Variants in CEP350 observed in about 807,000 individuals in gnomAD.
CEP350 encodes centrosomal protein 350.
CEP350 carries 126 observed loss-of-function variants against 331.8 expected under a neutral mutation model. The observed-to-expected ratio is 0.38, with a 90% CI of 0.33 to 0.44. The LOEUF is 0.44. Among genes scored for constraint, CEP350 ranks in the 20% least tolerant of loss-of-function variants. CEP350 has a pLI of 1.00. For synonymous variants in CEP350, 1,200 were observed against 1,259.5 expected (o/e 0.95, Z 1.00); for missense variants, 3,406 against 3,634.6 (o/e 0.94, Z 1.62).
intron 31 of CEP350, among the ~76,000 whole-genome samples, chr1:180,084,813 A>G (rs887672759): frequency 3.3e-5 from 5 of 152,146 alleles, no homozygotes; most frequent in Non-Finnish European, 7.3e-5. Flanking sequence ...GTAGTGCACC[A>G]TGATTGCACC....
chr1:179,981,577 C>T (rs2148648405), intron 1 of CEP350, among the ~76,000 whole-genome samples: 1 of 152,232 alleles, frequency 6.6e-6, no homozygotes, highest in South Asian at 2.1e-4. Flanking sequence ...TCTTAAAGAA[C>T]AGACCAACTT....
rs1661563069 is a variant in CEP350 at position 180,113,892 on chromosome 1, T to G, written c.*2731T>G. On this transcript the variant is annotated 3_prime_UTR_variant, in exon 38 of 38. Coordinates refer to ENST00000367607, the MANE Select transcript of CEP350 (RefSeq NM_014810.5). ...TTAGCAGTAAACCAACATACAGGCT[T>G]CAGATTTACTTCTGAGTCCAAAACA... is the stretch of plus-strand genomic sequence containing the variant. 6.6e-6 allele frequency: 1 copy of G among 152,626 alleles called. No homozygotes were observed. Among genetic ancestry groups the G allele is most frequent in the Admixed American group, 6.5e-5 (1 of 15,276 alleles). The allele number at this position is 152,626 out of a possible 1,614,324, so 9.5% of individuals were successfully genotyped here. A position where few individuals can be genotyped will look rare whatever the true frequency, so the allele number is the denominator to read the frequency against.
Position 180,026,675 on chromosome 1 carries a change from A to AATTT in CEP350, c.3550+2094_3550+2097dup, listed in dbSNP as rs548408145. Among the ~76,000 whole-genome samples, 249 of 152,258 alleles carry AATTT rather than the reference A, an allele frequency of 1.6e-3. 1 individual carries two copies. Among genetic ancestry groups the AATTT allele is most frequent in the African/African-American group, 5.6e-3 (233 of 41,534 alleles). ...CACTGTTCTGTTTTCTGTCCCTATC[A>AATTT]ATTTGACTACTCTGCGTACTTCATA... On this transcript the variant is annotated intron_variant, in intron 14 of 37. Transcript: ENST00000367607.
At chr1:179,995,529 C>T (rs571225737) in intron 5 of CEP350, among the ~76,000 whole-genome samples, 6 of 152,206 alleles carry the variant, frequency 3.9e-5, no homozygotes, top group African/African-American at 9.6e-5. Flanking sequence ...CGCTTGAACC[C>T]GGGAGGCAGA....
chr1:179,963,824 C>G (rs1650806670), intron 1 of CEP350, among the ~76,000 whole-genome samples: 1 of 151,842 alleles, frequency 6.6e-6, no homozygotes, highest in Non-Finnish European at 1.5e-5. Flanking sequence ...TTTTTTGGTT[C>G]CATATGAATT....
At chr1:179,994,578 C>T (rs903445075) in intron 5 of CEP350, among the ~76,000 whole-genome samples, 8 of 151,674 alleles carry the variant, frequency 5.3e-5, no homozygotes, top group African/African-American at 9.7e-5. Context: ...CTCAGCTTCC[C>T]GAGTAGCTGG....
chr1:180,041,899 C>G (rs1171207296), intron 19 of CEP350, 97 bp downstream of exon 19: 1 of 1,157,754 alleles, frequency 8.6e-7, no homozygotes, highest in African/African-American at 1.6e-5. Flanking sequence ...TTAGTAAATG[C>G]ATACTTTGAA....
Position 180,060,362 on chromosome 1 carries a change from A to G in CEP350, c.5263-1858A>G, listed in dbSNP as rs116142709. Among the ~76,000 whole-genome samples the G allele has an allele frequency of 6.0e-3, 915 of 152,316 alleles. 10 individuals carry two copies. The highest frequency in any genetic ancestry group is 0.021 in the African/African-American group (891 of 41,566). Reference sequence around the variant, plus strand: ...TAAAGAACAACCTTAAAATCTCACCATATGGGGTGGGCACAGTGGCTCATG... The same window carrying G: ...TAAAGAACAACCTTAAAATCTCACCGTATGGGGTGGGCACAGTGGCTCATG... On this transcript the variant is annotated intron_variant, in intron 25 of 37. Transcript: ENST00000367607.
At position 180,022,592 on chromosome 1, in the gene CEP350, C is replaced by G. The variant is rs1048371891; in HGVS notation, c.3236-106C>G. On this transcript the variant is annotated intron_variant, in intron 12 of 37. Coordinates refer to ENST00000367607, the MANE Select transcript of CEP350 (RefSeq NM_014810.5). ...AGAAAAGAGGCACTATTAAAGGAAACTAAAATGTCCCTAAGCCCATATTGC... is the reference window on the plus strand; with the variant it reads ...AGAAAAGAGGCACTATTAAAGGAAAGTAAAATGTCCCTAAGCCCATATTGC... The G allele has an allele frequency of 5.6e-6, 5 of 897,144 alleles. No individual in the cohort carries two copies. The Admixed American group carries it at 1.4e-4, about 26-fold the overall frequency. The allele number at this position is 897,144 out of a possible 1,614,324, so 55.6% of individuals were successfully genotyped here. A position where few individuals can be genotyped will look rare whatever the true frequency, so the allele number is the denominator to read the frequency against.
chr1:180,033,620 C>CT (rs2148888208), intron 15 of CEP350, among the ~76,000 whole-genome samples: 1 of 152,256 alleles, frequency 6.6e-6, no homozygotes, highest in South Asian at 2.1e-4. Context: ...AAGCTACTCC[C>CT]TTTCCATTGT....
At position 180,024,433 on chromosome 1, in the gene CEP350, C is replaced by T. The variant is rs1655535433; in HGVS notation, c.3401C>T (p.Pro1134Leu). Residue 1134 changes from proline (P) to leucine (L), a missense_variant, in exon 14 of 38, where the codon CCT becomes CTT. Physicochemically the swap from Pro to Leu is moderately conservative, Grantham distance 98 (BLOSUM62 -3). Coordinates refer to ENST00000367607, the MANE Select transcript of CEP350 (RefSeq NM_014810.5). Reference protein sequence around the residue: ...STLEPHSTLSPQEDHSNRKSA... With the variant: ...STLEPHSTLSLQEDHSNRKSA... ...TTCTTTGACAGTAGCACTTTAAGCCCTCAGGAGGACCATTCTAACAGAAAG... is the reference window on the plus strand; with the variant it reads ...TTCTTTGACAGTAGCACTTTAAGCCTTCAGGAGGACCATTCTAACAGAAAG... The T allele has an allele frequency of 7.4e-6, 12 of 1,611,300 alleles. No individual in the cohort carries two copies. Among genetic ancestry groups the T allele is most frequent in the Non-Finnish European group, 9.3e-6 (11 of 1,178,694 alleles).
rs2149135854 is a variant in CEP350, at chr1:180,094,293, C to T, written c.8188C>T (p.Leu2730=). The change falls in exon 34 of 38, where the codon CTG becomes TTG. Residue 2730 remains leucine (L), a synonymous_variant. Coordinates refer to ENST00000367607, the MANE Select transcript of CEP350 (RefSeq NM_014810.5). The part of the protein sequence containing the change: ...LDLLTREKNQ[L]EAQLKSSLNE... ...TCTTTTAACAAGAGAAAAAAACCAACTGGAAGCCCAGCTGAAGTCATCACT... is the reference window on the plus strand; with the variant it reads ...TCTTTTAACAAGAGAAAAAAACCAATTGGAAGCCCAGCTGAAGTCATCACT... 6.2e-7 allele frequency: 1 copy of T among 1,613,774 alleles called. No individual in the cohort carries two copies. The highest frequency in any genetic ancestry group is 2.2e-5 in the East Asian group (1 of 44,866).
intron 12 of CEP350, 52 bp from the exon 13 acceptor site, chr1:180,022,646 A>G (rs1655402901): frequency 1.3e-6 from 2 of 1,533,308 alleles, no homozygotes; most frequent in Admixed American, 1.9e-5. Flanking sequence ...TGCTTTTCTT[A>G]CAGTTTCTTG....
At chr1:180,076,157 T>C (rs971279744) in intron 28 of CEP350, among the ~76,000 whole-genome samples, 15 of 151,998 alleles carry the variant, frequency 9.9e-5, no homozygotes. Context: ...TCTTTACCAG[T>C]ATACTAGATT....
At chr1:179,970,236 T>A (rs1233662836) in intron 1 of CEP350, among the ~76,000 whole-genome samples, 1 of 152,228 alleles carries the variant, frequency 6.6e-6, no homozygotes, top group Non-Finnish European at 1.5e-5. Context: ...TAATGTTACA[T>A]AGTATCTTCT....
At chr1:179,984,101 CT>C (rs1652478551) in intron 1 of CEP350, among the ~76,000 whole-genome samples, 1 of 152,184 alleles carries the variant, frequency 6.6e-6, no homozygotes, top group African/African-American at 2.4e-5. Flanking sequence ...TTTTAGCACA[CT>C]TTGCAGATAC....
chr1:179,978,516 T>C (rs1652038865), intron 1 of CEP350, among the ~76,000 whole-genome samples: 19 of 152,094 alleles, frequency 1.2e-4, no homozygotes, highest in Admixed American at 1.2e-3. Context: ...TTTGTATCCT[T>C]TAGCAAATCT....
chr1:179,999,679 T>C (rs1189642603), intron 6 of CEP350, among the ~76,000 whole-genome samples: 1 of 152,086 alleles, frequency 6.6e-6, no homozygotes, highest in Non-Finnish European at 1.5e-5. Flanking sequence ...TTTCTGGAGG[T>C]TACTTGTGTT....
Position 179,957,403 on chromosome 1 carries a change from TTTG to T in CEP350, c.-14+2276_-14+2278del, listed in dbSNP as rs145925292. 7.1e-3 allele frequency among the ~76,000 whole-genome samples: 1,085 copies of T among 152,272 alleles called. 4 individuals carry two copies. The highest frequency in any genetic ancestry group is 0.01 in the Non-Finnish European group (687 of 67,994). ...TGCATAGTATTTTTTTCTGTATTGATTTGTTGTTGTTGTTGTTCATTGTTATCA... is the reference window on the plus strand; with the variant it reads ...TGCATAGTATTTTTTTCTGTATTGATTTGTTGTTGTTGTTCATTGTTATCA... On this transcript the variant is annotated intron_variant, in intron 1 of 37. Transcript: ENST00000367607.
Sources: gnomAD v4.1 joint callset for allele counts (sites outside exome capture counted in the v4.1 genomes callset) on GRCh38, gnomAD v4.1.1 for gene constraint, MANE v1.5 for transcripts, NCBI Gene and HGNC (gene_info 2026-07-23, HGNC 2026-07-21) for gene names.